The following ME1 variants were observed in gnomAD, a reference collection of about 807,000 sequenced individuals.
ME1 encodes malic enzyme 1.
Under a neutral mutation model 66.4 loss-of-function variants are expected in ME1, and 74 were observed. The ratio of observed to expected loss-of-function variants is 1.11; its 90% CI spans 0.92 to 1.35. The LOEUF is 1.35. ME1 is among the 40% of genes most tolerant of loss of function. The pLI is 0.00. For missense variants in ME1, 750 were observed against 694.1 expected (o/e 1.08, Z -0.90); for synonymous variants, 251 against 235.6 (o/e 1.07, Z -0.60).
intron 5 of ME1, among the ~76,000 whole-genome samples, chr6:83,341,999 C>T (rs907493844): frequency 6.6e-6 from 1 of 152,156 alleles, no homozygotes. Context: ...AGAAGGGCAG[C>T]TTTGTAACTC....
intron 6 of ME1, among the ~76,000 whole-genome samples, chr6:83,297,656 T>C (rs956479253): frequency 6.6e-6 from 1 of 152,130 alleles, no homozygotes; most frequent in African/African-American, 2.4e-5. Context: ...GGTAAACGTT[T>C]GCCATGGTGG....
chr6:83,238,940 T>A (rs1790461449), intron 8 of ME1, among the ~76,000 whole-genome samples: 1 of 151,570 alleles, frequency 6.6e-6, no homozygotes, highest in Non-Finnish European at 1.5e-5. Flanking sequence ...TGAATTATTA[T>A]TACAGGAGTC....
intron 3 of ME1, among the ~76,000 whole-genome samples, chr6:83,367,457 T>C (rs1382185227): frequency 1.3e-5 from 2 of 152,222 alleles, no homozygotes; most frequent in Non-Finnish European, 2.9e-5. Context: ...CTTCTTCCAA[T>C]AGAAGGCTGC....
chr6:83,237,895 C>A, intron 8 of ME1, 65 bp from the exon 9 acceptor site: 2 of 788,536 alleles, frequency 2.5e-6, no homozygotes, highest in Non-Finnish European at 3.9e-6. Context: ...GGTTACATTT[C>A]ACCCCATTTT....
At chr6:83,429,925 G>A (rs1427057935) in intron 1 of ME1, among the ~76,000 whole-genome samples, 1 of 151,456 alleles carries the variant, frequency 6.6e-6, no homozygotes, top group Non-Finnish European at 1.5e-5. Context: ...CAAAGCGCAC[G>A]CACACACACA....
intron 6 of ME1, among the ~76,000 whole-genome samples, chr6:83,304,599 A>C (rs759838913): frequency 2.6e-5 from 4 of 152,202 alleles, no homozygotes; most frequent in African/African-American, 4.8e-5. Flanking sequence ...GGATATGAAA[A>C]AAGTGGGTCA....
At chr6:83,216,677 G>A in intron 12 of ME1, 81 bp from the exon 13 acceptor site, 1 of 881,966 alleles carries the variant, frequency 1.1e-6, no homozygotes, top group Non-Finnish European at 1.8e-6. Flanking sequence ...TAAGTGAACG[G>A]TTACATATAA....
At chr6:83,246,571 G>T (rs1286073799) in intron 7 of ME1, among the ~76,000 whole-genome samples, 3 of 151,720 alleles carry the variant, frequency 2.0e-5, no homozygotes, top group Non-Finnish European at 4.4e-5. Flanking sequence ...ATATTATTTT[G>T]TACAGTTATA....
At chr6:83,260,785 C>G (rs944905999) in intron 6 of ME1, among the ~76,000 whole-genome samples, 1 of 152,186 alleles carries the variant, frequency 6.6e-6, no homozygotes, top group Non-Finnish European at 1.5e-5. Context: ...AGGATGTGAT[C>G]TCACTCTTTT....
At chr6:83,425,712 C>T (rs1171591544) in intron 1 of ME1, among the ~76,000 whole-genome samples, 1 of 152,190 alleles carries the variant, frequency 6.6e-6, no homozygotes, top group Non-Finnish European at 1.5e-5. Context: ...CCATATCAAA[C>T]ACACAAGTAT....
intron 1 of ME1, among the ~76,000 whole-genome samples, chr6:83,429,930 C>G (rs1447203668): frequency 6.6e-6 from 1 of 152,158 alleles, no homozygotes; most frequent in African/African-American, 2.4e-5. Flanking sequence ...CGCACGCACA[C>G]ACACACACAA....
Position 83,237,772 on chromosome 6 carries a change from T to G in ME1, c.971A>C (p.Lys324Thr). ...CCATATCTTTTTGATGGCTTTCTCT[T>G]TTGGTAAACCTTCTTTTTCCAAGGC... ...VMALEKEGLP[K>T]EKAIKKIWLV... Residue 324 changes from lysine to threonine, a missense_variant, in exon 9 of 14, where the codon AAA becomes ACA. Coordinates refer to ENST00000369705, the MANE Select transcript of ME1 (RefSeq NM_002395.6). The G allele has an allele frequency of 6.2e-7, 1 of 1,609,616 alleles. No homozygotes were observed. Among genetic ancestry groups the G allele is most frequent in the Non-Finnish European group, 8.5e-7 (1 of 1,177,808 alleles).
intron 5 of ME1, among the ~76,000 whole-genome samples, chr6:83,324,433 C>G (rs902359030): frequency 1.3e-5 from 2 of 151,338 alleles, no homozygotes; most frequent in African/African-American, 4.9e-5. Flanking sequence ...AAATAGACTG[C>G]TAGCCAGACT....
intron 13 of ME1, among the ~76,000 whole-genome samples, chr6:83,213,048 T>A (rs1323311297): frequency 1.3e-5 from 2 of 151,870 alleles, no homozygotes; most frequent in Non-Finnish European, 2.9e-5. Context: ...TTTTTTTTTT[T>A]TTGAGATGGA....
rs1305399695 is a variant in ME1 at position 83,228,992 on chromosome 6, T to G, written c.1027-61A>C. The G allele has an allele frequency of 3.0e-5, 32 of 1,053,196 alleles. No homozygotes were observed. In the Admixed American group the frequency reaches 6.8e-4, roughly 22 times the overall value. 65.2% of individuals were successfully genotyped at this position (1,053,196 alleles called of 1,614,324 possible). A position where few individuals can be genotyped will look rare whatever the true frequency, so the allele number is the denominator to read the frequency against. On this transcript the variant is annotated intron_variant, in intron 9 of 13. Transcript: ENST00000369705. ...CCAAACATGTGAGGGTCAATAAATT[T>G]CGGTACATATATTACAAATATTTAT...
intron 1 of ME1, among the ~76,000 whole-genome samples, chr6:83,408,445 T>C (rs964490847): frequency 6.6e-6 from 1 of 152,200 alleles, no homozygotes; most frequent in Non-Finnish European, 1.5e-5. Flanking sequence ...CACACCCTTT[T>C]ATTCTTCCAT....
chr6:83,315,398 G>C lies in ME1; in HGVS notation c.616C>G (p.Pro206Ala), dbSNP rs1259347613. The change falls in exon 6 of 14, where the codon CCA (proline) becomes GCA (alanine). Residue 206 changes from proline to alanine, a missense_variant. By Grantham distance (27) the Pro-to-Ala change is conservative. Transcript: ENST00000369705. ...CTCTGCCGTAGTCCAATGTAGAGTG[G>C]ATCTTTAAGTAACTCCTATTAAAAA... Reference protein sequence around the residue: ...GTENEELLKDPLYIGLRQRRV... With the variant: ...GTENEELLKDALYIGLRQRRV... 1.9e-6 allele frequency: 3 copies of C among 1,590,720 alleles called. No homozygotes were observed. The highest frequency in any genetic ancestry group is 1.7e-6 in the Non-Finnish European group (2 of 1,166,468).
intron 3 of ME1, among the ~76,000 whole-genome samples, chr6:83,388,854 G>A (rs1479609159): frequency 2.6e-5 from 4 of 152,104 alleles, no homozygotes; most frequent in Admixed American, 6.6e-5. Context: ...GGCCAGATGC[G>A]GTGGTAATCC....
chr6:83,263,102 AT>A (rs780740951), intron 6 of ME1, among the ~76,000 whole-genome samples: 15 of 152,240 alleles, frequency 9.9e-5, no homozygotes, highest in Admixed American at 7.9e-4. Context: ...TTGCATTATT[AT>A]TATATGTGTT....
Sources: gnomAD v4.1 joint callset for allele counts (sites outside exome capture counted in the v4.1 genomes callset) on GRCh38, gnomAD v4.1.1 for gene constraint, MANE v1.5 for transcripts, NCBI Gene and HGNC (gene_info 2026-07-23, HGNC 2026-07-21) for gene names.